Variants in CEP44 observed in about 807,000 individuals in gnomAD.
CEP44 encodes centrosomal protein 44.
CEP44 carries 45 observed loss-of-function variants against 46.7 expected under a neutral mutation model. That is an observed-to-expected ratio of 0.96 (90% CI 0.76 to 1.24). The LOEUF (loss-of-function observed/expected upper bound fraction) is 1.24, where lower values mean the gene tolerates loss of function less well. Among genes scored for constraint, CEP44 ranks in the 50% most tolerant of loss-of-function variants. CEP44 has a pLI of 0.00. For missense variants in CEP44, 475 were observed against 459.7 expected, an observed-to-expected ratio of 1.03 and a Z score of -0.30; for synonymous variants, 142 against 146.0, an observed-to-expected ratio of 0.97 and a Z score of 0.20.
At chr4:174,304,025 G>A (rs1019183614) in intron 5 of CEP44, among the ~76,000 whole-genome samples, 176 bp downstream of exon 5, 1 of 152,002 alleles carries the variant, frequency 6.6e-6, no homozygotes, top group African/African-American at 2.4e-5. Flanking sequence ...CTACTCTCTT[G>A]TTTTATACAC....
chr4:174,285,105 G>A (rs1737429500), intron 1 of CEP44, among the ~76,000 whole-genome samples: 1 of 152,240 alleles, frequency 6.6e-6, no homozygotes, highest in Non-Finnish European at 1.5e-5. Context: ...AGCTAGAAAG[G>A]AATATTGAGA....
Position 174,302,127 on chromosome 4 carries a change from G to T in CEP44, c.178G>T (p.Glu60Ter). 1.2e-6 allele frequency: 2 copies of T among 1,611,412 alleles called. No individual in the cohort carries two copies. The highest frequency in any genetic ancestry group is 2.2e-5 in the East Asian group (1 of 44,690). ...YSPYVTELIM[E>*]SNVELIAKND... ...ACCTTATGTAACAGAACTTATAATG[G>T]AATCCAATGTAGAGCTCATAGCAAA... Residue 60 changes from glutamate (E) to a stop codon, truncating the protein, a stop_gained, in exon 4 of 12, where the codon GAA (glutamate) becomes TAA (stop). Coordinates refer to ENST00000503780, the MANE Select transcript of CEP44 (RefSeq NM_001040157.3). LOFTEE classifies it high-confidence loss of function.
At position 174,294,655 on chromosome 4, in the gene CEP44, G is replaced by A. The variant is rs1387882874; in HGVS notation, c.-147-3311G>A. Among the ~76,000 whole-genome samples, 15 of 150,080 alleles carry A rather than the reference G, an allele frequency of 1.0e-4. No individual in the cohort carries two copies. The South Asian group carries it at 1.1e-3, about 11-fold the overall frequency. ...GCGCCCCTCACCTCCCAGACGGGGC[G>A]GCTGGCCGGGCGGGGGGCTGACCCC... On this transcript the variant is annotated intron_variant, in intron 1 of 11. Transcript: ENST00000503780.
chr4:174,288,704 T>A lies in CEP44; in HGVS notation c.-148+4761T>A, dbSNP rs1737830725. On this transcript the variant is annotated intron_variant, in intron 1 of 11. Transcript: ENST00000503780. The surrounding 1 kb of genome is among the most constrained non-coding windows in gnomAD (Gnocchi z 4.6). ...TCATGTCATCTGCAAACAGATATTGTACCTCTTCTCTTTTTATTTGGATGT... is the reference window on the plus strand; with the variant it reads ...TCATGTCATCTGCAAACAGATATTGAACCTCTTCTCTTTTTATTTGGATGT... 6.6e-6 allele frequency among the ~76,000 whole-genome samples: 1 copy of A among 152,186 alleles called. No individual in the cohort carries two copies. Among genetic ancestry groups the A allele is most frequent in the African/African-American group, 2.4e-5 (1 of 41,466 alleles).
chr4:174,322,224 A>T (rs919166841), downstream of CEP44, among the ~76,000 whole-genome samples: 1 of 152,244 alleles, frequency 6.6e-6, no homozygotes, highest in East Asian at 1.9e-4. Flanking sequence ...TCAATTTCGC[A>T]CCATTTTTTA....
rs141007651 is a variant in CEP44, at chr4:174,328,483, G to A, written c.1087-2999G>A. Among the ~76,000 whole-genome samples the A allele has an allele frequency of 3.8e-3, 575 of 152,290 alleles. 2 individuals carry two copies. Among genetic ancestry groups the A allele is most frequent in the Middle Eastern group, 0.017 (5 of 294 alleles). On this transcript the variant is annotated intron_variant, in intron 8 of 8. Coordinates refer to the CEP44 transcript ENST00000426172. ...TTGTACTTGAATGAAAAGCTGCCTC[G>A]TAGAATTCCAGGAGGAAGCCAATAT...
chr4:174,292,556 A>G (rs930172681), intron 1 of CEP44, among the ~76,000 whole-genome samples: 5 of 151,998 alleles, frequency 3.3e-5, no homozygotes, highest in Admixed American at 6.5e-5. Flanking sequence ...TTCACTTTTT[A>G]TTCTTTTTAA....
intron 2 of CEP44, among the ~76,000 whole-genome samples, chr4:174,298,426 C>T (rs1304035679): frequency 3.3e-5 from 5 of 151,998 alleles, no homozygotes; most frequent in Admixed American, 6.5e-5. Flanking sequence ...CCGCCCGCCT[C>T]GGCCTCCCAA....
At chr4:174,284,148 C>T (rs1160329764) in intron 1 of CEP44, 1 of 398,684 alleles carries the variant, frequency 2.5e-6, no homozygotes, top group East Asian at 3.6e-5. Context: ...TTGGTGAGCC[C>T]CGAGGAGACG....
chr4:174,304,511 A>G lies in CEP44; in HGVS notation c.507+142A>G, dbSNP rs141894609. On this transcript the variant is annotated intron_variant, in intron 6 of 11. Transcript: ENST00000503780. ...ATTGATTTTTAACAGTGCATGCCAT[A>G]TATTTTTGGGCAGTATGCCTGAAGT... The G allele has an allele frequency of 5.5e-4, 622 of 1,128,240 alleles. 1 individual carries two copies. In the African/African-American group the frequency reaches 8.1e-3, roughly 15 times the overall value. 69.9% of individuals were successfully genotyped at this position (1,128,240 alleles called of 1,614,324 possible).
chr4:174,311,986 T>C lies in CEP44; in HGVS notation c.961+1128T>C, dbSNP rs1741130317. Among the ~76,000 whole-genome samples, 1 of 152,218 alleles carries C rather than the reference T, an allele frequency of 6.6e-6. No homozygotes were observed. The highest frequency in any genetic ancestry group is 2.1e-4 in the South Asian group (1 of 4,838). On this transcript the variant is annotated intron_variant, in intron 9 of 11. Coordinates refer to ENST00000503780, the MANE Select transcript of CEP44 (RefSeq NM_001040157.3). The surrounding 1 kb of genome is among the most constrained non-coding windows in gnomAD (Gnocchi z 4.4). ...CCTGTTTTATTTATCCATTCATATA[T>C]CTATTCAACAAATGTTAATGCTTGA...
rs148635809 is a variant in CEP44 at position 174,329,367 on chromosome 4, T to C, written c.1087-2115T>C. The stretch of plus-strand genomic sequence containing the variant: ...ACACACACACACACACACATTTTAA[T>C]AGGAGTTAATTATAAGAATTTTTAG... On this transcript the variant is annotated intron_variant, in intron 8 of 8. Coordinates refer to the CEP44 transcript ENST00000426172. This position sits in a 1 kb window ranked among gnomAD's most constrained non-coding sequence, Gnocchi z 4.0. Among the ~76,000 whole-genome samples, 116 of 152,012 alleles carry C rather than the reference T, an allele frequency of 7.6e-4. No individual in the cohort carries two copies. Among genetic ancestry groups the C allele is most frequent in the African/African-American group, 2.7e-3 (111 of 41,494 alleles).
Position 174,325,380 on chromosome 4 carries a change from ACAGTCACTCATGC to A in CEP44, c.1087-6100_1087-6088del, listed in dbSNP as rs1471276613. On this transcript the variant is annotated intron_variant, in intron 8 of 8. Coordinates refer to the CEP44 transcript ENST00000426172. This position sits in a 1 kb window ranked among gnomAD's most constrained non-coding sequence, Gnocchi z 4.4. ...CACTGAGAGAGGGGTGTAGCCATGT[ACAGTCACTCATGC>A]CTGTAATTCCAGCACTTTGGGAGGC... 1.3e-5 allele frequency among the ~76,000 whole-genome samples: 2 copies of A among 152,118 alleles called. No homozygotes were observed. The highest frequency in any genetic ancestry group is 4.8e-5 in the African/African-American group (2 of 41,434).
At chr4:174,307,294 C>CA (rs2126618514) in intron 6 of CEP44, among the ~76,000 whole-genome samples, 1 of 152,182 alleles carries the variant, frequency 6.6e-6, no homozygotes, top group South Asian at 2.1e-4. Context: ...ATAGAGAACC[C>CA]AGAAATAAGA....
chr4:174,330,814 A>G (rs1280792819), intron 8 of CEP44, among the ~76,000 whole-genome samples: 4 of 152,206 alleles, frequency 2.6e-5, no homozygotes, highest in Non-Finnish European at 1.5e-5. Context: ...GAGGCAACTC[A>G]TAATCTAATA....
chr4:174,330,745 T>G (rs531767329), intron 8 of CEP44, among the ~76,000 whole-genome samples: 6 of 152,202 alleles, frequency 3.9e-5, no homozygotes, highest in Non-Finnish European at 8.8e-5. Flanking sequence ...TATACTTCTC[T>G]CCAGGGATTA....
chr4:174,294,981 C>T (rs898224892), intron 1 of CEP44, among the ~76,000 whole-genome samples: 2 of 135,928 alleles, frequency 1.5e-5, no homozygotes, highest in African/African-American at 6.0e-5. Context: ...GGGTGGGGGG[C>T]TGACCCCCCC....
chr4:174,313,561 G>A lies in CEP44; in HGVS notation c.962-2605G>A, dbSNP rs564314622. 3.3e-5 allele frequency among the ~76,000 whole-genome samples: 5 copies of A among 152,238 alleles called. No homozygotes were observed. The East Asian group carries it at 7.7e-4, about 24-fold the overall frequency. On this transcript the variant is annotated intron_variant, in intron 9 of 11. Coordinates refer to ENST00000503780, the MANE Select transcript of CEP44 (RefSeq NM_001040157.3). Reference sequence around the variant, plus strand: ...GCAAGGCTAATATTCTTAGGTTTGTGTTTCACAAAGGTTATCATCAAAGCA... The same window carrying A: ...GCAAGGCTAATATTCTTAGGTTTGTATTTCACAAAGGTTATCATCAAAGCA...
rs754625508 is a variant in CEP44 at position 174,314,988 on chromosome 4, G to A, written c.962-1178G>A. Among the ~76,000 whole-genome samples, 5 of 152,192 alleles carry A rather than the reference G, an allele frequency of 3.3e-5. No homozygotes were observed. The highest frequency in any genetic ancestry group is 1.2e-4 in the African/African-American group (5 of 41,436). On this transcript the variant is annotated intron_variant, in intron 9 of 11. Transcript: ENST00000503780. This position sits in a 1 kb window ranked among gnomAD's most constrained non-coding sequence, Gnocchi z 4.1. ...AGTCAAATGATATTGAGCCTGGGCC[G>A]GGCTGGCCATGTGGTGGAAGTTTAC...
Sources: allele counts gnomAD v4.1 joint callset (sites outside exome capture counted in the v4.1 genomes callset), GRCh38; gene constraint gnomAD v4.1.1; non-coding constraint Gnocchi (gnomAD v3.1); transcripts MANE v1.5; gene names NCBI Gene and HGNC (gene_info 2026-07-23, HGNC 2026-07-21).